SOX6: variants seen among roughly 807,000 people sequenced by gnomAD.
SOX6 encodes SRY-box transcription factor 6, also known as transcription factor SOX-6.
SOX6 carries 11 observed loss-of-function variants against 97.8 expected under a neutral mutation model. The observed-to-expected ratio is 0.11, with a 90% CI of 0.07 to 0.19. The LOEUF is 0.19. Ranked by LOEUF, SOX6 falls within the 10% of genes least tolerant of loss-of-function variation. The pLI is 1.00. For synonymous variants in SOX6, 360 were observed against 371.4 expected, an observed-to-expected ratio of 0.97 and a Z score of 0.35; for missense variants, 810 against 1,039.5, an observed-to-expected ratio of 0.78 and a Z score of 3.04.
intron 2 of SOX6, 62 bp downstream of exon 2, chr11:16,340,950 T>C: frequency 6.2e-7 from 1 of 1,608,094 alleles, no homozygotes; most frequent in South Asian, 1.1e-5. Context: ...AAAATATCTA[T>C]TTATAATGAG....
At chr11:16,161,315 GATAT>G (rs58290065) in intron 6 of SOX6, among the ~76,000 whole-genome samples, 8 of 143,882 alleles carry the variant, frequency 5.6e-5, no homozygotes, top group Non-Finnish European at 1.1e-4. Context: ...CAATGAATTT[GATAT>G]ATATATATAT....
rs183253789 is a variant in SOX6 at position 16,658,430 on chromosome 11, C to A, written n.430-46170G>T. The stretch of plus-strand genomic sequence containing the variant: ...ATGTATTAAAATATGTTCTCCTGGC[C>A]AGGTGCGGTGGCTCACGCCTGTAAT... On this transcript the variant is annotated intron_variant and non_coding_transcript_variant, in intron 3 of 5. Transcript: ENST00000524520. Among the ~76,000 whole-genome samples the A allele has an allele frequency of 7.9e-3, 1,199 of 152,228 alleles. 14 individuals carry two copies. Among genetic ancestry groups the A allele is most frequent in the African/African-American group, 0.028 (1,143 of 41,520 alleles).
At chr11:16,108,350 A>G (rs917596574) in intron 7 of SOX6, among the ~76,000 whole-genome samples, 2 of 152,072 alleles carry the variant, frequency 1.3e-5, no homozygotes, top group Non-Finnish European at 2.9e-5. Context: ...ACATAAAGCA[A>G]TGGGTCAGCT....
intron 4 of SOX6, among the ~76,000 whole-genome samples, chr11:16,598,477 A>C (rs1848235072): frequency 1.3e-5 from 2 of 152,056 alleles, no homozygotes; most frequent in Non-Finnish European, 2.9e-5. Flanking sequence ...TCCACCTACC[A>C]ACTATGAAAA....
At chr11:16,233,371 G>A (rs1004076036) in intron 4 of SOX6, among the ~76,000 whole-genome samples, 2 of 152,094 alleles carry the variant, frequency 1.3e-5, no homozygotes, top group African/African-American at 4.8e-5. Flanking sequence ...TTGGTTAGTA[G>A]GCAAAAAGTA....
intron 12 of SOX6, among the ~76,000 whole-genome samples, chr11:16,023,557 G>A (rs569496374): frequency 6.6e-6 from 1 of 152,066 alleles, no homozygotes; most frequent in Non-Finnish European, 1.5e-5. Flanking sequence ...GTCAGGGTTG[G>A]CCCAGAGCTG....
intron 13 of SOX6, among the ~76,000 whole-genome samples, chr11:16,011,264 C>A (rs1485217245): frequency 6.6e-6 from 1 of 152,070 alleles, no homozygotes; most frequent in Non-Finnish European, 1.5e-5. Context: ...ACATGTCCTA[C>A]ATAGGAGCTA....
chr11:15,988,847 A>G (rs1590111748), intron 14 of SOX6, 150 bp downstream of exon 14: 1 of 730,834 alleles, frequency 1.4e-6, no homozygotes, highest in South Asian at 1.7e-5. Flanking sequence ...GTGATGACGA[A>G]GGCTCCTGCG....
intron 3 of SOX6, among the ~76,000 whole-genome samples, chr11:16,287,919 TGAA>T (rs1854800362): frequency 1.3e-5 from 2 of 152,116 alleles, no homozygotes; most frequent in Non-Finnish European, 2.9e-5. Flanking sequence ...GGGTTGTAAA[TGAA>T]ATTTAAAGTA....
In SOX6 at chr11:15,968,086, T is replaced by C. The variant is rs1045330045; in HGVS notation, c.*4723A>G. 2 of 152,116 alleles carry C rather than the reference T, an allele frequency of 1.3e-5. No individual in the cohort carries two copies. Among genetic ancestry groups the C allele is most frequent in the African/African-American group, 4.8e-5 (2 of 41,404 alleles). The allele number at this position is 152,116 out of a possible 1,614,324, so 9.4% of individuals were successfully genotyped here. On this transcript the variant is annotated 3_prime_UTR_variant, in exon 16 of 16. Transcript: ENST00000683767. Reference sequence around the variant, plus strand: ...AGGATATGGCATCAGAAACAGAACATCATTGGCAGGAATAACAGACAGAAG... The same window carrying C: ...AGGATATGGCATCAGAAACAGAACACCATTGGCAGGAATAACAGACAGAAG...
chr11:16,218,093 AT>A (rs1852425186), intron 4 of SOX6, among the ~76,000 whole-genome samples: 1 of 152,140 alleles, frequency 6.6e-6, no homozygotes. Context: ...ACCAAAATAC[AT>A]TATTTTTATT....
chr11:16,501,163 A>G (rs1328392378), intron 4 of SOX6, among the ~76,000 whole-genome samples: 1 of 152,232 alleles, frequency 6.6e-6, no homozygotes. Flanking sequence ...CCACATATCT[A>G]CAACTATCTG....
intron 4 of SOX6, among the ~76,000 whole-genome samples, chr11:16,220,825 G>T (rs1852516632): frequency 6.6e-6 from 1 of 151,998 alleles, no homozygotes; most frequent in African/African-American, 2.4e-5. Flanking sequence ...TAAATAAACA[G>T]ATCAATTTAT....
chr11:16,428,075 G>A (rs1000294435), intron 1 of SOX6, among the ~76,000 whole-genome samples: 4 of 152,170 alleles, frequency 2.6e-5, no homozygotes, highest in African/African-American at 4.8e-5. Context: ...TTTCTCTGAC[G>A]GCCAGTGATG....
chr11:16,198,652 A>T (rs956101081), intron 4 of SOX6, among the ~76,000 whole-genome samples: 1 of 152,200 alleles, frequency 6.6e-6, no homozygotes, highest in Admixed American at 6.5e-5. Context: ...CCTTTTGAAG[A>T]GGCAAACATC....
intron 3 of SOX6, among the ~76,000 whole-genome samples, chr11:16,689,462 C>G (rs887959214): frequency 1.3e-5 from 2 of 152,164 alleles, no homozygotes; most frequent in African/African-American, 4.8e-5. Flanking sequence ...TGCCTGATGT[C>G]CAATGGCTTG....
At chr11:16,421,140 G>C (rs1355515168) in intron 1 of SOX6, among the ~76,000 whole-genome samples, 2 of 152,024 alleles carry the variant, frequency 1.3e-5, no homozygotes, top group South Asian at 2.1e-4. Flanking sequence ...CCTTATTCTC[G>C]AGCAAATATG....
At chr11:16,557,090 T>A (rs1317438078) in intron 4 of SOX6, among the ~76,000 whole-genome samples, 1 of 151,802 alleles carries the variant, frequency 6.6e-6, no homozygotes, top group Non-Finnish European at 1.5e-5. Context: ...TTGATCACAA[T>A]TAGTAAATAC....
At position 16,516,097 on chromosome 11, in the gene SOX6, A is replaced by G. The variant is rs1043885415; in HGVS notation, n.610-39709T>C. ...CAATTCTGTGAAGAAAGGCATTGGT[A>G]GCTTGATGGGGATGGCATTGAATCT... is the stretch of plus-strand genomic sequence containing the variant. On this transcript the variant is annotated intron_variant and non_coding_transcript_variant, in intron 4 of 5. Coordinates refer to the SOX6 transcript ENST00000524520. Among the ~76,000 whole-genome samples the G allele has an allele frequency of 5.4e-4, 82 of 150,520 alleles. 1 individual carries two copies. Among genetic ancestry groups the G allele is most frequent in the African/African-American group, 1.9e-3 (76 of 40,966 alleles).
Sources: allele counts gnomAD v4.1 joint callset (sites outside exome capture counted in the v4.1 genomes callset), GRCh38; gene constraint gnomAD v4.1.1; transcripts MANE v1.5; gene names NCBI Gene and HGNC (gene_info 2026-07-23, HGNC 2026-07-21).